The following TMOD2 variants were observed in gnomAD, a reference collection of about 807,000 sequenced individuals.
The protein encoded by TMOD2 is tropomodulin-2.
A neutral mutation model predicts 39.9 loss-of-function variants in TMOD2; 22 were observed. The observed-to-expected ratio is 0.55, with a 90% CI of 0.39 to 0.79. TMOD2 has a LOEUF of 0.79. Ranked by LOEUF, TMOD2 falls within the 30% of genes least tolerant of loss-of-function variation. TMOD2 has a pLI of 0.00. For synonymous variants in TMOD2, 123 were observed against 146.1 expected, an observed-to-expected ratio of 0.84 and a Z score of 1.14; for missense variants, 386 against 413.3, an observed-to-expected ratio of 0.93 and a Z score of 0.57.
rs760439294 is a variant in TMOD2, at chr15:51,782,732, T to C, written c.636T>C (p.Ile212=). 5 of 1,613,900 alleles carry C rather than the reference T, an allele frequency of 3.1e-6. No homozygotes were observed. In the South Asian group the frequency reaches 5.5e-5, roughly 18 times the overall value. The change falls in exon 7 of 10, where the codon ATT becomes ATC. Residue 212 remains isoleucine (I), a synonymous_variant. Transcript: ENST00000249700. ...CCTCTCTGTCTTAGAACATTCCAAT[T>C]CCAACCCTGAGGGAATTTGCAAAGG... ...VNLNNIKNIP[I]PTLREFAKAL...
At chr15:51,795,577 G>GCTTTCTTTCTTT (rs202116010) in intron 7 of TMOD2, among the ~76,000 whole-genome samples, 16 of 42,086 alleles carry the variant, frequency 3.8e-4, no homozygotes, top group East Asian at 1.7e-3. Context: ...TTGCTTGCTT[G>GCTTTCTTTCTTT]CTTTCTTTCT....
intron 8 of TMOD2, among the ~76,000 whole-genome samples, chr15:51,801,912 C>T (rs1156906670): frequency 1.3e-5 from 2 of 150,652 alleles, no homozygotes; most frequent in Non-Finnish European, 3.0e-5. Context: ...GGCAACATAG[C>T]AAGACCTCAT....
rs537996547 is a variant in TMOD2, at chr15:51,794,580, C to T, written c.733-3617C>T. Among the ~76,000 whole-genome samples, 6 of 152,220 alleles carry T rather than the reference C, an allele frequency of 3.9e-5. No individual in the cohort carries two copies. In the South Asian group the frequency reaches 1.2e-3, roughly 32 times the overall value. On this transcript the variant is annotated intron_variant, in intron 7 of 9. Coordinates refer to ENST00000249700, the MANE Select transcript of TMOD2 (RefSeq NM_014548.4). ...AAAAAGAAAAAAGTGGTTGTCAATC[C>T]TAACTGCACATTATTCACCTGGAGA...
At chr15:51,807,650 G>T (rs376618102) in intron 9 of TMOD2, among the ~76,000 whole-genome samples, 1 of 152,166 alleles carries the variant, frequency 6.6e-6, no homozygotes, top group African/African-American at 2.4e-5. Flanking sequence ...AATGGACAGG[G>T]CAGCCTACGT....
intron 8 of TMOD2, among the ~76,000 whole-genome samples, chr15:51,799,085 C>A (rs1467484020): frequency 6.6e-6 from 1 of 152,334 alleles, no homozygotes. Context: ...CTTCAGCTGA[C>A]TCCTGCCCAC....
chr15:51,808,796 T>C lies in TMOD2; in HGVS notation c.*342T>C, dbSNP rs1486378212. On this transcript the variant is annotated 3_prime_UTR_variant, in exon 10 of 10. Coordinates refer to ENST00000249700, the MANE Select transcript of TMOD2 (RefSeq NM_014548.4). ...TTTTTAATCACTGAAAGGAATTTAG[T>C]GTATAATATGTGTTTGTAACTGTGA... 6 of 213,534 alleles carry C rather than the reference T, an allele frequency of 2.8e-5. No homozygotes were observed. The Admixed American group carries it at 2.8e-4, about 10-fold the overall frequency. The allele number at this position is 213,534 out of a possible 1,614,324, so 13.2% of individuals were successfully genotyped here. A position where few individuals can be genotyped will look rare whatever the true frequency, so the allele number is the denominator to read the frequency against.
chr15:51,769,412 C>T (rs1435358756), intron 3 of TMOD2, among the ~76,000 whole-genome samples: 2 of 152,218 alleles, frequency 1.3e-5, no homozygotes, highest in African/African-American at 2.4e-5. Flanking sequence ...TGAGTGCCTC[C>T]TCTGTGCAGA....
intron 8 of TMOD2, among the ~76,000 whole-genome samples, chr15:51,805,639 TTTGA>T (rs1375523868): frequency 6.6e-6 from 1 of 152,198 alleles, no homozygotes; most frequent in Non-Finnish European, 1.5e-5. Context: ...AAAAGTAGAA[TTTGA>T]TTGATTGTAA....
chr15:51,794,321 C>T (rs1254324901), intron 7 of TMOD2, among the ~76,000 whole-genome samples: 1 of 152,182 alleles, frequency 6.6e-6, no homozygotes, highest in East Asian at 1.9e-4. Context: ...CTGTCTTTTC[C>T]ACTGTAAAAA....
rs1217562285 is a variant in TMOD2 at position 51,768,538 on chromosome 15, G to A, written c.283+120G>A. 2.9e-6 allele frequency: 3 copies of A among 1,040,996 alleles called. No homozygotes were observed. In the East Asian group the frequency reaches 7.8e-5, roughly 27 times the overall value. The allele number at this position is 1,040,996 out of a possible 1,614,324, so 64.5% of individuals were successfully genotyped here. A position where few individuals can be genotyped will look rare whatever the true frequency, so the allele number is the denominator to read the frequency against. On this transcript the variant is annotated intron_variant, in intron 3 of 9. Transcript: ENST00000249700. ...TTATTGTCGTGGAGGATCAAGCAAG[G>A]GAACTGTCCCAGACATGGGAAATAA...
rs112265395 is a variant in TMOD2, at chr15:51,810,750, C to CTTTTTTTTT, written c.*2305_*2313dup. The CTTTTTTTTT allele has an allele frequency of 2.9e-5, 4 of 139,290 alleles. No homozygotes were observed. 8.6% of individuals were successfully genotyped at this position (139,290 alleles called of 1,614,324 possible). A position where few individuals can be genotyped will look rare whatever the true frequency, so the allele number is the denominator to read the frequency against. On this transcript the variant is annotated 3_prime_UTR_variant, in exon 10 of 10. Transcript: ENST00000249700. The stretch of plus-strand genomic sequence containing the variant: ...CTGCCTCTCCAAGTAAGCCTTTTTC[C>CTTTTTTTTT]TTTTTTTTTTTTTTTTTCTTACTCT...
chr15:51,768,389 A>G lies in TMOD2; in HGVS notation c.254A>G (p.Asp85Gly), dbSNP rs1391601587. Residue 85 changes from aspartate to glycine, a missense_variant, in exon 3 of 10, where the codon GAC becomes GGC. Asp to Gly is a moderately conservative substitution (Grantham distance 94). Coordinates refer to ENST00000249700, the MANE Select transcript of TMOD2 (RefSeq NM_014548.4). Reference sequence around the variant, plus strand: ...GCTTTGGAACAGAAAGACAGAGAGGACTTTGTGCCCTTCACTGGAGAAAAG... The same window carrying G: ...GCTTTGGAACAGAAAGACAGAGAGGGCTTTGTGCCCTTCACTGGAGAAAAG... Reference protein sequence around the residue: ...KEALEQKDREDFVPFTGEKKG... With the variant: ...KEALEQKDREGFVPFTGEKKG... 3 of 1,613,628 alleles carry G rather than the reference A, an allele frequency of 1.9e-6. No individual in the cohort carries two copies. In the Admixed American group the frequency reaches 5.0e-5, roughly 27 times the overall value.
At chr15:51,755,041 A>G (rs1038916437) in intron 1 of TMOD2, among the ~76,000 whole-genome samples, 1 of 152,240 alleles carries the variant, frequency 6.6e-6, no homozygotes, top group Non-Finnish European at 1.5e-5. Flanking sequence ...TTAATGGATC[A>G]TAACAGTTTG....
intron 7 of TMOD2, among the ~76,000 whole-genome samples, chr15:51,795,513 C>T (rs1281500203): frequency 6.6e-6 from 1 of 151,256 alleles, no homozygotes; most frequent in Admixed American, 6.6e-5. Flanking sequence ...CTTTCTTCAT[C>T]TCTGGGAAAT....
rs1054096862 is a variant in TMOD2 at position 51,814,046 on chromosome 15, G to A, written c.*5592G>A. On this transcript the variant is annotated 3_prime_UTR_variant, in exon 10 of 10. Transcript: ENST00000249700. ...GGGGCAGTGGAAGTTAGATACCAGC[G>A]ATGTATATGGTAGGACATTTTCCTG... 1.3e-5 allele frequency: 2 copies of A among 152,170 alleles called. No individual in the cohort carries two copies. Among genetic ancestry groups the A allele is most frequent in the Non-Finnish European group, 2.9e-5 (2 of 68,068 alleles). 9.4% of individuals were successfully genotyped at this position (152,170 alleles called of 1,614,324 possible).
In TMOD2 at chr15:51,812,859, C is replaced by T. The variant is rs2056165180; in HGVS notation, c.*4405C>T. On this transcript the variant is annotated 3_prime_UTR_variant, in exon 10 of 10. Coordinates refer to ENST00000249700, the MANE Select transcript of TMOD2 (RefSeq NM_014548.4). Reference sequence around the variant, plus strand: ...GGAAAGGTCCTAGCTCTGCCTTCCACTTGCAGCTTCCCTTTACCTCCTCTT... The same window carrying T: ...GGAAAGGTCCTAGCTCTGCCTTCCATTTGCAGCTTCCCTTTACCTCCTCTT... 6.6e-6 allele frequency: 1 copy of T among 152,204 alleles called. No homozygotes were observed. The highest frequency in any genetic ancestry group is 1.5e-5 in the Non-Finnish European group (1 of 68,050). 9.4% of individuals were successfully genotyped at this position (152,204 alleles called of 1,614,324 possible). A position where few individuals can be genotyped will look rare whatever the true frequency, so the allele number is the denominator to read the frequency against.
In TMOD2 at chr15:51,806,480, G is replaced by A. The variant is rs766914142; in HGVS notation, c.980G>A (p.Arg327Gln). ...TACCAGTTTACCAAGCAAGGGCCAC[G>A]AACAAGGGTGGCAGCTGCCATCACA... ...FGYQFTKQGP[R>Q]TRVAAAITKN... The change falls in exon 9 of 10, where the codon CGA becomes CAA. Residue 327 changes from arginine to glutamine, a missense_variant. Coordinates refer to ENST00000249700, the MANE Select transcript of TMOD2 (RefSeq NM_014548.4). 1.9e-6 allele frequency: 3 copies of A among 1,614,202 alleles called. No homozygotes were observed. The highest frequency in any genetic ancestry group is 2.5e-6 in the Non-Finnish European group (3 of 1,180,030).
chr15:51,777,031 GCAATCT>G lies in TMOD2; in HGVS notation c.493+14_493+19del, dbSNP rs554160252. 11,823 of 1,611,570 alleles carry G rather than the reference GCAATCT, an allele frequency of 7.3e-3. 63 individuals are homozygous for G. The highest frequency in any genetic ancestry group is 8.7e-3 in the Non-Finnish European group (10,241 of 1,178,024). On this transcript the variant is annotated intron_variant, in intron 5 of 9. Transcript: ENST00000249700. The stretch of plus-strand genomic sequence containing the variant: ...GGACCTGTCAGAAGTAAGTTGATGT[GCAATCT>G]GTGGTTTTGTAAAGCTTTGGAGCCT...
At chr15:51,761,378 C>G (rs1189730798) in intron 1 of TMOD2, among the ~76,000 whole-genome samples, 10 of 152,044 alleles carry the variant, frequency 6.6e-5, no homozygotes. Context: ...TAGACGGCAA[C>G]TCTGTTTAGA....
Sources: gnomAD v4.1 joint callset for allele counts (sites outside exome capture counted in the v4.1 genomes callset) on GRCh38, gnomAD v4.1.1 for gene constraint, MANE v1.5 for transcripts, NCBI Gene and HGNC (gene_info 2026-07-23, HGNC 2026-07-21) for gene names.